The following GTF2F2 variants were observed in gnomAD, a reference collection of about 807,000 sequenced individuals.
GTF2F2 encodes the protein ATP-dependent helicase GTF2F2.
In GTF2F2, 23 loss-of-function variants were observed where a neutral mutation model predicts 42.2. The ratio of observed to expected loss-of-function variants is 0.55; its 90% CI spans 0.39 to 0.77. The LOEUF (loss-of-function observed/expected upper bound fraction) is 0.77. GTF2F2 is among the 30% of genes least tolerant of loss of function. GTF2F2 has a pLI of 0.00. For missense variants in GTF2F2, 261 were observed against 287.2 expected, an observed-to-expected ratio of 0.91 and a Z score of 0.66; for synonymous variants, 105 against 100.8, an observed-to-expected ratio of 1.04 and a Z score of -0.25.
At chr13:45,271,471 C>A (rs1264870452) in intron 7 of GTF2F2, among the ~76,000 whole-genome samples, 1 of 151,872 alleles carries the variant, frequency 6.6e-6, no homozygotes, top group Non-Finnish European at 1.5e-5. Flanking sequence ...GCAACCTCCA[C>A]CTCCTAGTTC....
chr13:45,230,786 C>T (rs1874636456), intron 5 of GTF2F2, among the ~76,000 whole-genome samples: 1 of 152,132 alleles, frequency 6.6e-6, no homozygotes, highest in South Asian at 2.1e-4. Flanking sequence ...ATACCACTAC[C>T]ATCTACTAAA....
At chr13:45,256,228 A>G (rs1876097383) in intron 6 of GTF2F2, among the ~76,000 whole-genome samples, 2 of 152,126 alleles carry the variant, frequency 1.3e-5, no homozygotes, top group East Asian at 1.9e-4. Context: ...TATGTTGGGA[A>G]GGGGAAGATT....
intron 6 of GTF2F2, among the ~76,000 whole-genome samples, chr13:45,266,354 T>A (rs896708708): frequency 2.0e-5 from 3 of 152,216 alleles, no homozygotes; most frequent in African/African-American, 7.2e-5. Context: ...TTTCTCTTGT[T>A]AAACTAACTT....
intron 4 of GTF2F2, among the ~76,000 whole-genome samples, chr13:45,173,261 A>G (rs935111023): frequency 6.6e-6 from 1 of 152,116 alleles, no homozygotes; most frequent in African/African-American, 2.4e-5. Flanking sequence ...AGTTTTCCTC[A>G]GTGGTAATAT....
intron 2 of GTF2F2, among the ~76,000 whole-genome samples, chr13:45,143,412 C>G (rs921266652): frequency 2.6e-5 from 4 of 152,186 alleles, no homozygotes. Flanking sequence ...AGCTATGTGA[C>G]TTTGCGTAAA....
intron 5 of GTF2F2, among the ~76,000 whole-genome samples, chr13:45,228,283 C>CTTTT (rs372901327): frequency 0.023 from 2,164 of 92,688 alleles, 165 homozygotes; most frequent in Non-Finnish European, 0.034. Flanking sequence ...CAGAGTTAAT[C>CTTTT]TTTTTTTTTT....
chr13:45,186,655 A>C (rs1454397488), intron 4 of GTF2F2, among the ~76,000 whole-genome samples: 2 of 152,198 alleles, frequency 1.3e-5, no homozygotes, highest in Non-Finnish European at 2.9e-5. Flanking sequence ...ATGCTATGAT[A>C]CCTAATGTAA....
At chr13:45,236,664 A>G (rs1033101755) in intron 5 of GTF2F2, among the ~76,000 whole-genome samples, 1 of 152,218 alleles carries the variant, frequency 6.6e-6, no homozygotes, top group African/African-American at 2.4e-5. Flanking sequence ...TGAGGTAAAA[A>G]TAATGCATAT....
rs1036828224 is a variant in GTF2F2 at position 45,207,414 on chromosome 13, T to C, written c.305-10T>C. 1.3e-6 allele frequency: 2 copies of C among 1,561,816 alleles called. No homozygotes were observed. Among genetic ancestry groups the C allele is most frequent in the African/African-American group, 1.4e-5 (1 of 73,794 alleles). On this transcript the variant is annotated splice_polypyrimidine_tract_variant and intron_variant, in intron 4 of 7. Transcript: ENST00000340473. ...TATTATCTCTGAATCCTTTTTTTTT[T>C]CCATTCAAGATAAGCTGTCATTGGA... is the stretch of plus-strand genomic sequence containing the variant.
intron 6 of GTF2F2, among the ~76,000 whole-genome samples, chr13:45,257,958 C>G (rs1876172340): frequency 6.6e-6 from 1 of 152,110 alleles, no homozygotes; most frequent in Admixed American, 6.6e-5. Flanking sequence ...TCAGTCTCAA[C>G]AAATGATTTC....
At position 45,212,456 on chromosome 13, in the gene GTF2F2, TTTC is replaced by T. The variant is rs1259589295; in HGVS notation, c.386+4954_386+4956del. Among the ~76,000 whole-genome samples, 6 of 57,072 alleles carry T rather than the reference TTTC, an allele frequency of 1.1e-4. 1 individual carries two copies. The highest frequency in any genetic ancestry group is 1.0e-3 in the South Asian group (2 of 1,936). The allele number at this position is 57,072 out of a possible 152,430, so 37.4% of individuals were successfully genotyped here. Reference sequence around the variant, plus strand: ...TCTTTCTTTCTTTCTTGTTTCTTTCTTTCTTTCTTTCTTTCTTTCTTTCTTTCT... The same window carrying T: ...TCTTTCTTTCTTTCTTGTTTCTTTCTTTTCTTTCTTTCTTTCTTTCTTTCT... On this transcript the variant is annotated intron_variant, in intron 5 of 7. Transcript: ENST00000340473.
chr13:45,152,510 T>A (rs1050810496), intron 4 of GTF2F2, among the ~76,000 whole-genome samples: 1 of 152,222 alleles, frequency 6.6e-6, no homozygotes, highest in Non-Finnish European at 1.5e-5. Flanking sequence ...TCAGCAAGTA[T>A]GAGTTGTACT....
At position 45,149,688 on chromosome 13, in the gene GTF2F2, GT is replaced by G. The variant is rs141823802; in HGVS notation, c.141-73del. On this transcript the variant is annotated intron_variant, in intron 2 of 7. Transcript: ENST00000340473. Reference sequence around the variant, plus strand: ...ATGTAATATTTTATGTAAATATGAAGTTTTTTTTTAAGCTCTTAACTCACAT... The same window carrying G: ...ATGTAATATTTTATGTAAATATGAAGTTTTTTTTAAGCTCTTAACTCACAT... The G allele has an allele frequency of 1.2e-4, 153 of 1,285,288 alleles. No individual in the cohort carries two copies. The Middle Eastern group carries it at 1.3e-3, about 11-fold the overall frequency. The allele number at this position is 1,285,288 out of a possible 1,614,324, so 79.6% of individuals were successfully genotyped here. A position where few individuals can be genotyped will look rare whatever the true frequency, so the allele number is the denominator to read the frequency against.
At chr13:45,235,041 CAAAAAAAAAAAAAAA>C (rs61077504) in intron 5 of GTF2F2, among the ~76,000 whole-genome samples, 16 of 43,720 alleles carry the variant, frequency 3.7e-4, no homozygotes, top group African/African-American at 1.2e-3. Context: ...GCGGGAAACT[CAAAAAAAAAAAAAAA>C]AAAAAAAAAA....
chr13:45,191,213 T>TAAAAAAA (rs1436641299), intron 4 of GTF2F2, among the ~76,000 whole-genome samples: 1 of 36,836 alleles, frequency 2.7e-5, no homozygotes, highest in African/African-American at 3.8e-4. Flanking sequence ...CTACTAAAAA[T>TAAAAAAA]ACAAAAAAAA....
chr13:45,240,378 T>A (rs1252312987), intron 5 of GTF2F2, among the ~76,000 whole-genome samples: 1 of 152,168 alleles, frequency 6.6e-6, no homozygotes, highest in Non-Finnish European at 1.5e-5. Flanking sequence ...AATATAGATA[T>A]ATATAGATCA....
At chr13:45,140,217 G>A (rs1869853516) in intron 2 of GTF2F2, among the ~76,000 whole-genome samples, 1 of 151,678 alleles carries the variant, frequency 6.6e-6, no homozygotes, top group South Asian at 2.1e-4. Context: ...CCCCTAAAGT[G>A]TGGGTGTTAC....
chr13:45,191,224 A>AAAAAAAAAAAATATATATATATATAT, intron 4 of GTF2F2, among the ~76,000 whole-genome samples: 45 of 75,270 alleles, frequency 6.0e-4, no homozygotes, highest in Non-Finnish European at 8.0e-4. Context: ...ACAAAAAAAA[A>AAAAAAAAAAAATATATATATATATAT]ATATATATAT....
chr13:45,185,446 A>AGCACATGTAGACTT (rs1451756792), intron 4 of GTF2F2, among the ~76,000 whole-genome samples: 1 of 152,228 alleles, frequency 6.6e-6, no homozygotes, highest in African/African-American at 2.4e-5. Context: ...ACATATTGTA[A>AGCACATGTAGACTT]GCACATGTAG....
Sources: gnomAD v4.1 joint callset for allele counts (sites outside exome capture counted in the v4.1 genomes callset) on GRCh38, gnomAD v4.1.1 for gene constraint, MANE v1.5 for transcripts, NCBI Gene and HGNC (gene_info 2026-07-23, HGNC 2026-07-21) for gene names.